Variants in OSTF1 observed in about 807,000 individuals in gnomAD.
The protein encoded by OSTF1 is osteoclast-stimulating factor 1.
In OSTF1, 27 loss-of-function variants were observed where a neutral mutation model predicts 37.2. The observed-to-expected ratio is 0.73, with a 90% CI of 0.54 to 1.00. The LOEUF is 1.00. Among genes scored for constraint, OSTF1 ranks in the 50% least tolerant of loss-of-function variants. The pLI is 0.00. For synonymous variants in OSTF1, 82 were observed against 89.2 expected (o/e 0.92, Z 0.46); for missense variants, 232 against 253.8 (o/e 0.91, Z 0.58).
chr9:75,143,076 A>G (rs1229782502), intron 9 of OSTF1, among the ~76,000 whole-genome samples: 1 of 151,786 alleles, frequency 6.6e-6, no homozygotes, highest in Non-Finnish European at 1.5e-5. Context: ...AGTAGCTGGG[A>G]TTACAGGCAT....
intron 1 of OSTF1, among the ~76,000 whole-genome samples, chr9:75,116,584 CAT>C (rs977693821): frequency 6.8e-6 from 1 of 147,564 alleles, no homozygotes; most frequent in African/African-American, 2.5e-5. Flanking sequence ...TTAATGGAAT[CAT>C]AGGTTTCTCC....
Position 75,146,736 on chromosome 9 carries a change from G to A in OSTF1, c.640G>A (p.Asp214Asn). The change falls in exon 10 of 10, where the codon GAT becomes AAT. Residue 214 changes from aspartate (D) to asparagine (N), a missense_variant. By Grantham distance (23) the Asp-to-Asn change is conservative (BLOSUM62 1). Transcript: ENST00000346234. Reference sequence around the variant, plus strand: ...GGACTATCTCGATGATGAAGACTCAGATTAATTCCTTTCTGGAGCTTTGAG... The same window carrying A: ...GGACTATCTCGATGATGAAGACTCAAATTAATTCCTTTCTGGAGCTTTGAG... ...AEDYLDDEDSD is the reference protein window; with the variant it reads ...AEDYLDDEDSN 4 of 1,603,522 alleles carry A rather than the reference G, an allele frequency of 2.5e-6. No individual in the cohort carries two copies. The highest frequency in any genetic ancestry group is 3.4e-6 in the Non-Finnish European group (4 of 1,172,502).
rs561075232 is a variant in OSTF1, at chr9:75,112,122, T to C, written c.35-5382T>C. Among the ~76,000 whole-genome samples, 15 of 11,532 alleles carry C rather than the reference T, an allele frequency of 1.3e-3. No homozygotes were observed. In the South Asian group the frequency reaches 0.02, roughly 15 times the overall value. 7.6% of individuals were successfully genotyped at this position (11,532 alleles called of 152,430 possible). On this transcript the variant is annotated intron_variant, in intron 1 of 9. Coordinates refer to ENST00000346234, the MANE Select transcript of OSTF1 (RefSeq NM_012383.5). ...TGAGCCACCGCACTCAGCCTACTGC[T>C]TTTTTTTTTTTTTTAAGGATGTTTG...
intron 1 of OSTF1, among the ~76,000 whole-genome samples, chr9:75,100,465 C>T (rs1825170667): frequency 6.6e-6 from 1 of 151,982 alleles, no homozygotes; most frequent in Non-Finnish European, 1.5e-5. Flanking sequence ...CGCGGTGGCT[C>T]ACGCCTGTAA....
chr9:75,107,020 A>G (rs1825299985), intron 1 of OSTF1, among the ~76,000 whole-genome samples: 1 of 151,694 alleles, frequency 6.6e-6, no homozygotes, highest in East Asian at 1.9e-4. Context: ...CTTTTGTGGA[A>G]TGACGCCAAT....
chr9:75,103,232 A>G (rs963986976), intron 1 of OSTF1, among the ~76,000 whole-genome samples: 6 of 152,340 alleles, frequency 3.9e-5, no homozygotes, highest in Middle Eastern at 3.4e-3. Context: ...ACAGCAAGCT[A>G]TGACTGCGTC....
chr9:75,130,930 T>G (rs1265090601), intron 4 of OSTF1, among the ~76,000 whole-genome samples: 1 of 152,228 alleles, frequency 6.6e-6, no homozygotes, highest in Non-Finnish European at 1.5e-5. Flanking sequence ...TTTTTAATGC[T>G]GATAAACTCA....
At chr9:75,115,422 G>T (rs145756041) in intron 1 of OSTF1, among the ~76,000 whole-genome samples, 51 of 152,212 alleles carry the variant, frequency 3.4e-4, no homozygotes, top group African/African-American at 1.1e-3. Flanking sequence ...CTCCTGAGTA[G>T]CAAGGACTAC....
At chr9:75,100,681 A>T (rs895406094) in intron 1 of OSTF1, among the ~76,000 whole-genome samples, 2 of 151,298 alleles carry the variant, frequency 1.3e-5, no homozygotes, top group Non-Finnish European at 2.9e-5. Flanking sequence ...CAGTGAGCTG[A>T]TATCAGGCCA....
chr9:75,088,734 A>G lies in OSTF1; in HGVS notation c.34+8A>G. ...CCAAACCAGTCAAACCAGGTGAGGG[A>G]GGTAAGGTAGGCGCTTGCCAGGTCC... On this transcript the variant is annotated splice_region_variant and intron_variant, in intron 1 of 9. Transcript: ENST00000346234. 8.7e-6 allele frequency: 14 copies of G among 1,605,294 alleles called. No individual in the cohort carries two copies. Among genetic ancestry groups the G allele is most frequent in the Non-Finnish European group, 1.2e-5 (14 of 1,175,672 alleles).
intron 1 of OSTF1, among the ~76,000 whole-genome samples, chr9:75,095,898 T>C (rs867969287): frequency 7.2e-4 from 104 of 144,868 alleles, no homozygotes; most frequent in African/African-American, 1.8e-3. Flanking sequence ...TGGCCCCCCT[T>C]TTTTTTTTTT....
intron 4 of OSTF1, among the ~76,000 whole-genome samples, chr9:75,130,997 T>A (rs755291963): frequency 1.6e-4 from 25 of 152,206 alleles, no homozygotes; most frequent in Non-Finnish European, 2.9e-5. Flanking sequence ...TAACCCGGCC[T>A]TGTTCATTCA....
intron 1 of OSTF1, among the ~76,000 whole-genome samples, chr9:75,093,545 A>G (rs1319252452): frequency 6.6e-6 from 1 of 152,164 alleles, no homozygotes; most frequent in African/African-American, 2.4e-5. Context: ...GGTGAAAGTA[A>G]AGCATAAATA....
intron 2 of OSTF1, among the ~76,000 whole-genome samples, chr9:75,122,835 TA>T (rs1825602114): frequency 6.6e-6 from 1 of 152,346 alleles, no homozygotes; most frequent in Non-Finnish European, 1.5e-5. Flanking sequence ...AAGTGTTGAA[TA>T]AAAACATCTG....
intron 1 of OSTF1, among the ~76,000 whole-genome samples, chr9:75,097,184 A>T (rs1440207305): frequency 2.6e-5 from 4 of 152,146 alleles, no homozygotes; most frequent in Non-Finnish European, 5.9e-5. Context: ...CTTTGGGGGA[A>T]TAAATCATTC....
intron 7 of OSTF1, among the ~76,000 whole-genome samples, 168 bp from the exon 8 acceptor site, chr9:75,137,370 A>G (rs1825859275): frequency 6.6e-6 from 1 of 151,922 alleles, no homozygotes; most frequent in Non-Finnish European, 1.5e-5. Context: ...CTCCTCTCCC[A>G]TCTCTTGAGT....
At chr9:75,131,350 C>T (rs969783702) in intron 4 of OSTF1, among the ~76,000 whole-genome samples, 1 of 152,216 alleles carries the variant, frequency 6.6e-6, no homozygotes, top group Non-Finnish European at 1.5e-5. Context: ...TAAATACACA[C>T]AAGAGAACCA....
chr9:75,134,198 T>G, intron 6 of OSTF1, 148 bp from the exon 7 acceptor site: 1 of 507,162 alleles, frequency 2.0e-6, no homozygotes, highest in South Asian at 3.3e-5. Flanking sequence ...GATTCTTAAG[T>G]TTTTCTATTT....
chr9:75,113,863 C>T (rs1167998117), intron 1 of OSTF1, among the ~76,000 whole-genome samples: 2 of 152,194 alleles, frequency 1.3e-5, no homozygotes, highest in African/African-American at 4.8e-5. Context: ...TAACTGTAGT[C>T]ACCGTGATGT....
Sources: allele counts gnomAD v4.1 joint callset (sites outside exome capture counted in the v4.1 genomes callset), GRCh38; gene constraint gnomAD v4.1.1; transcripts MANE v1.5; gene names NCBI Gene and HGNC (gene_info 2026-07-23, HGNC 2026-07-21).